NKAIN3: variants seen among roughly 807,000 people sequenced by gnomAD.
NKAIN3 encodes the protein sodium/potassium transporting ATPase interacting 3, also known as sodium/potassium-transporting ATPase subunit beta-1-interacting protein 3.
In NKAIN3, 25 loss-of-function variants were observed where a neutral mutation model predicts 30.2. The observed-to-expected ratio is 0.83, with a 90% confidence interval of 0.60 to 1.16. NKAIN3 has a LOEUF of 1.16. NKAIN3 is among the 50% of genes most tolerant of loss of function. NKAIN3 has a pLI of 0.00. For missense variants in NKAIN3, 225 were observed against 254.1 expected, an observed-to-expected ratio of 0.89 and a Z score of 0.78; for synonymous variants, 91 against 89.6, an observed-to-expected ratio of 1.02 and a Z score of -0.09.
At chr8:62,602,288 A>G (rs1811004901) in intron 3 of NKAIN3, among the ~76,000 whole-genome samples, 1 of 152,232 alleles carries the variant, frequency 6.6e-6, no homozygotes, top group African/African-American at 2.4e-5. Flanking sequence ...CTTATTGAAC[A>G]AAGCCTATGC....
intron 3 of NKAIN3, among the ~76,000 whole-genome samples, chr8:62,706,266 A>T (rs752758366): frequency 7.9e-5 from 12 of 152,128 alleles, no homozygotes; most frequent in South Asian, 2.1e-4. Flanking sequence ...AACTGTGTGT[A>T]GCATTCCCCA....
intron 1 of NKAIN3, among the ~76,000 whole-genome samples, chr8:62,374,113 CAA>C (rs66521184): frequency 1.1e-4 from 7 of 64,344 alleles, no homozygotes; most frequent in African/African-American, 1.4e-4. Context: ...ACTCCATCTC[CAA>C]AAAAAAAAAA....
intron 4 of NKAIN3, chr8:62,864,059 G>A (rs1210711562): frequency 7.3e-6 from 5 of 688,934 alleles, no homozygotes; most frequent in Non-Finnish European, 1.1e-5. Context: ...GCCTGAATGG[G>A]CAACACTTTC....
chr8:62,938,729 T>C (rs1188827575), intron 5 of NKAIN3, among the ~76,000 whole-genome samples: 2 of 152,126 alleles, frequency 1.3e-5, no homozygotes, highest in African/African-American at 2.4e-5. Context: ...CAGCACCCCA[T>C]GAAACAAAAG....
intron 1 of NKAIN3, among the ~76,000 whole-genome samples, chr8:62,531,497 T>G (rs1055560408): frequency 1.4e-4 from 21 of 152,308 alleles, no homozygotes; most frequent in Non-Finnish European, 2.6e-4. Flanking sequence ...AAAGCCACAC[T>G]GGGTGTCACT....
chr8:62,475,526 G>T (rs970796871), intron 1 of NKAIN3, among the ~76,000 whole-genome samples: 2 of 152,116 alleles, frequency 1.3e-5, no homozygotes, highest in Non-Finnish European at 2.9e-5. Flanking sequence ...GTGATTTTTA[G>T]TATATCTACG....
chr8:62,857,057 T>C, intron 4 of NKAIN3: 1 of 497,210 alleles, frequency 2.0e-6, no homozygotes, highest in Non-Finnish European at 4.0e-6. Flanking sequence ...TCGGCCTCAG[T>C]TTTGTAATAC....
At position 62,785,708 on chromosome 8, in the gene NKAIN3, T is replaced by C. The variant is rs190845262; in HGVS notation, c.471+38579T>C. Among the ~76,000 whole-genome samples, 63 of 152,276 alleles carry C rather than the reference T, an allele frequency of 4.1e-4. 1 individual carries two copies. The highest frequency in any genetic ancestry group is 4.0e-3 in the Admixed American group (61 of 15,278). On this transcript the variant is annotated intron_variant, in intron 4 of 6. Coordinates refer to ENST00000623646, the MANE Select transcript of NKAIN3 (RefSeq NM_001304533.3). ...AATACAGTCTTTCTCTGACTTTTTA[T>C]GTTAAAAATAATACTGCAATGAATA...
intron 1 of NKAIN3, among the ~76,000 whole-genome samples, chr8:62,371,004 AG>A (rs1816891072): frequency 6.6e-6 from 1 of 151,990 alleles, no homozygotes; most frequent in African/African-American, 2.4e-5. Context: ...AAACATAAGC[AG>A]ATAAACATGG....
intron 4 of NKAIN3, among the ~76,000 whole-genome samples, chr8:62,775,614 T>C (rs776652502): frequency 2.0e-5 from 3 of 152,108 alleles, no homozygotes; most frequent in African/African-American, 2.4e-5. Flanking sequence ...CCTACAATAA[T>C]TTGATTCAAG....
chr8:62,685,929 A>G (rs1317227220), intron 3 of NKAIN3, among the ~76,000 whole-genome samples: 2 of 152,162 alleles, frequency 1.3e-5, no homozygotes, highest in African/African-American at 2.4e-5. Context: ...AACTGACTCT[A>G]TATCTGTATC....
intron 3 of NKAIN3, among the ~76,000 whole-genome samples, chr8:62,688,991 T>A (rs1169575434): frequency 6.6e-6 from 1 of 152,204 alleles, no homozygotes; most frequent in Non-Finnish European, 1.5e-5. Context: ...TCTTTCCATG[T>A]ATACAATAAC....
intron 3 of NKAIN3, among the ~76,000 whole-genome samples, chr8:62,644,179 G>T (rs1344645119): frequency 6.6e-6 from 1 of 152,054 alleles, no homozygotes; most frequent in Non-Finnish European, 1.5e-5. Flanking sequence ...CACTCTCTTA[G>T]TCCCTTCAGC....
rs569369820 is a variant in NKAIN3 at position 62,276,030 on chromosome 8, G to A, written c.54+26903G>A. 1.8e-3 allele frequency among the ~76,000 whole-genome samples: 278 copies of A among 151,902 alleles called. 1 individual carries two copies. The highest frequency in any genetic ancestry group is 6.2e-3 in the African/African-American group (257 of 41,458). The stretch of plus-strand genomic sequence containing the variant: ...TGAGAGCATGGTAAGTTACTGTATC[G>A]GTCTACTATGTCAGTTCTGATTTTG... On this transcript the variant is annotated intron_variant, in intron 1 of 6. Transcript: ENST00000623646.
chr8:62,322,435 A>G (rs1814961051), intron 1 of NKAIN3, among the ~76,000 whole-genome samples: 3 of 151,570 alleles, frequency 2.0e-5, no homozygotes, highest in Admixed American at 1.3e-4. Context: ...TGGGAGCTGT[A>G]GACTGGAGCT....
At chr8:62,385,708 C>G (rs1176967029) in intron 1 of NKAIN3, among the ~76,000 whole-genome samples, 1 of 152,136 alleles carries the variant, frequency 6.6e-6, no homozygotes, top group Admixed American at 6.6e-5. Context: ...TTTCACATCT[C>G]TAACTCCTTG....
intron 4 of NKAIN3, among the ~76,000 whole-genome samples, chr8:62,890,025 TAG>T (rs918173355): frequency 1.7e-4 from 26 of 152,322 alleles, no homozygotes; most frequent in African/African-American, 6.0e-4. Flanking sequence ...CCTTCCCAAT[TAG>T]AGTGTGGTGT....
downstream of NKAIN3, among the ~76,000 whole-genome samples, chr8:62,985,752 GAAA>G (rs1174435545): frequency 1.5e-5 from 2 of 137,010 alleles, no homozygotes; most frequent in Non-Finnish European, 3.2e-5. Context: ...ATTCATCACA[GAAA>G]AAAAAAAAAA....
At chr8:62,459,975 T>C (rs1243235688) in intron 1 of NKAIN3, among the ~76,000 whole-genome samples, 1 of 152,180 alleles carries the variant, frequency 6.6e-6, no homozygotes, top group East Asian at 1.9e-4. Flanking sequence ...TATATGCTAT[T>C]GTGAGAATAG....
Sources: allele counts gnomAD v4.1 joint callset (sites outside exome capture counted in the v4.1 genomes callset), GRCh38; gene constraint gnomAD v4.1.1; transcripts MANE v1.5; gene names NCBI Gene and HGNC (gene_info 2026-07-23, HGNC 2026-07-21).